Variants in ZNF664 observed in about 807,000 individuals in gnomAD.
The protein encoded by ZNF664 is zinc finger Organ of Corti 1.
A neutral mutation model predicts 18.2 loss-of-function variants in ZNF664; 10 were observed. That is an observed-to-expected ratio of 0.55 (90% CI 0.34 to 0.93). ZNF664 has a LOEUF of 0.93. Ranked by LOEUF, ZNF664 falls within the 40% of genes least tolerant of loss-of-function variation. The pLI is 0.02. For missense variants in ZNF664, 193 were observed against 319.0 expected (o/e 0.61, Z 3.01); for synonymous variants, 119 against 104.2 (o/e 1.14, Z -0.86).
chr12:123,986,029 T>C (rs1291821782), intron 2 of ZNF664, among the ~76,000 whole-genome samples: 1 of 152,114 alleles, frequency 6.6e-6, no homozygotes, highest in East Asian at 1.9e-4. Context: ...CTCATGAGCC[T>C]TAGGGACTGT....
intron 3 of ZNF664, among the ~76,000 whole-genome samples, chr12:123,993,578 A>C (rs1375021992): frequency 6.6e-6 from 1 of 152,246 alleles, no homozygotes; most frequent in Non-Finnish European, 1.5e-5. Context: ...GAGGAGGTAG[A>C]TACAACATCT....
intron 2 of ZNF664, among the ~76,000 whole-genome samples, chr12:123,987,709 G>A (rs922319440): frequency 6.6e-6 from 1 of 152,172 alleles, no homozygotes. Flanking sequence ...TAGCCAGTCT[G>A]AGTCAGTTAT....
chr12:123,976,254 G>T (rs1303572298), intron 2 of ZNF664, among the ~76,000 whole-genome samples: 1 of 152,170 alleles, frequency 6.6e-6, no homozygotes, highest in Non-Finnish European at 1.5e-5. Flanking sequence ...CCAAATTTTA[G>T]AGTGGAGAGA....
rs1375964660 is a variant in ZNF664, at chr12:123,973,873, G to A, written c.-891-13G>A. On this transcript the variant is annotated splice_polypyrimidine_tract_variant and intron_variant, in intron 1 of 4. Coordinates refer to ENST00000337815, the MANE Select transcript of ZNF664 (RefSeq NM_152437.3). ...GGAGGAGCCGGCTGCATGGGGTGCT[G>A]TGTGTTTTTCAGGGCGCCCTGCGTC... 4 of 1,044,262 alleles carry A rather than the reference G, an allele frequency of 3.8e-6. No homozygotes were observed. In the Admixed American group the frequency reaches 1.9e-4, roughly 49 times the overall value. The allele number at this position is 1,044,262 out of a possible 1,614,324, so 64.7% of individuals were successfully genotyped here.
intron 3 of ZNF664, among the ~76,000 whole-genome samples, chr12:123,999,200 T>G (rs1267398306): frequency 6.6e-6 from 1 of 152,126 alleles, no homozygotes; most frequent in Non-Finnish European, 1.5e-5. Context: ...CTCATTGCAG[T>G]TGGTAGTGGT....
chr12:123,974,127 C>T, intron 2 of ZNF664, 107 bp downstream of exon 2: 1 of 811,450 alleles, frequency 1.2e-6, no homozygotes, highest in Non-Finnish European at 1.7e-6. Context: ...CCCGGCTTCT[C>T]ATGAACTCCG....
At position 123,973,698 on chromosome 12, in the gene ZNF664, C is replaced by G. The variant is rs550000390; in HGVS notation, c.-891-188C>G. 17 of 1,063,886 alleles carry G rather than the reference C, an allele frequency of 1.6e-5. No homozygotes were observed. The African/African-American group carries it at 2.0e-4, about 12-fold the overall frequency. 65.9% of individuals were successfully genotyped at this position (1,063,886 alleles called of 1,614,324 possible). A position where few individuals can be genotyped will look rare whatever the true frequency, so the allele number is the denominator to read the frequency against. On this transcript the variant is annotated intron_variant, in intron 1 of 4. Coordinates refer to ENST00000337815, the MANE Select transcript of ZNF664 (RefSeq NM_152437.3). ...GCGAGGCCCCTCGGGAGCCGGACTC[C>G]CGAGCCAGGCTCCATTGTTGTTGGA... is the stretch of plus-strand genomic sequence containing the variant.
At chr12:123,976,437 A>C (rs1956692409) in intron 2 of ZNF664, among the ~76,000 whole-genome samples, 1 of 152,228 alleles carries the variant, frequency 6.6e-6, no homozygotes, top group Admixed American at 6.5e-5. Flanking sequence ...TGAAAGAATG[A>C]ATGTGGATAG....
chr12:123,976,912 C>T (rs1956699585), intron 2 of ZNF664, among the ~76,000 whole-genome samples: 2 of 152,080 alleles, frequency 1.3e-5, no homozygotes, highest in South Asian at 4.1e-4. Context: ...AACCCTGTCT[C>T]TACTAAAAAT....
At chr12:123,982,068 G>C (rs1305228076) in intron 2 of ZNF664, among the ~76,000 whole-genome samples, 1 of 152,160 alleles carries the variant, frequency 6.6e-6, no homozygotes, top group Admixed American at 6.5e-5. Flanking sequence ...CCTTTTGTCA[G>C]TCATCCTGTT....
At chr12:123,980,124 T>A (rs1956745986) in intron 2 of ZNF664, among the ~76,000 whole-genome samples, 1 of 152,210 alleles carries the variant, frequency 6.6e-6, no homozygotes, top group Non-Finnish European at 1.5e-5. Flanking sequence ...AGGGTGAGTG[T>A]GTGTATATAT....
chr12:123,999,948 G>T (rs1012698820), intron 3 of ZNF664, among the ~76,000 whole-genome samples: 1 of 152,258 alleles, frequency 6.6e-6, no homozygotes, highest in Non-Finnish European at 1.5e-5. Context: ...CCAGCTGAGG[G>T]TATCACTGTG....
At chr12:123,994,162 T>C (rs1956920219) in intron 3 of ZNF664, among the ~76,000 whole-genome samples, 1 of 144,316 alleles carries the variant, frequency 6.9e-6, no homozygotes, top group East Asian at 1.9e-4. Flanking sequence ...TGGAAATTAC[T>C]CACTACACAT....
intron 3 of ZNF664, among the ~76,000 whole-genome samples, chr12:123,990,960 C>T (rs573476078): frequency 9.3e-4 from 142 of 152,314 alleles, no homozygotes; most frequent in Non-Finnish European, 1.5e-3. Flanking sequence ...GTGAGCATCT[C>T]CATGACTCAC....
At chr12:123,980,697 G>A (rs914638757) in intron 2 of ZNF664, among the ~76,000 whole-genome samples, 5 of 151,988 alleles carry the variant, frequency 3.3e-5, no homozygotes, top group Non-Finnish European at 7.4e-5. Context: ...TGATGAAAAC[G>A]CCCCAAAAAA....
At chr12:124,004,686 C>T (rs1409780224) in intron 3 of ZNF664, among the ~76,000 whole-genome samples, 2 of 152,162 alleles carry the variant, frequency 1.3e-5, no homozygotes, top group African/African-American at 4.8e-5. Context: ...AGTGAAGCTT[C>T]ATCTATTTAT....
chr12:123,973,219 T>G lies in ZNF664; in HGVS notation c.-1025T>G. On this transcript the variant is annotated 5_prime_UTR_variant, in exon 1 of 5. Transcript: ENST00000337815. ...CGGCCTCGTGCGTGCGCACGCGCGCTGTCCCCCGGAGGCGTCTGGGTGTGC... is the reference window on the plus strand; with the variant it reads ...CGGCCTCGTGCGTGCGCACGCGCGCGGTCCCCCGGAGGCGTCTGGGTGTGC... The G allele has an allele frequency of 1.0e-6, 1 of 983,714 alleles. No individual in the cohort carries two copies. Among genetic ancestry groups the G allele is most frequent in the Non-Finnish European group, 1.2e-6 (1 of 831,694 alleles). 60.9% of individuals were successfully genotyped at this position (983,714 alleles called of 1,614,324 possible). A position where few individuals can be genotyped will look rare whatever the true frequency, so the allele number is the denominator to read the frequency against.
At chr12:124,006,981 T>C (rs1350350912) in intron 3 of ZNF664, among the ~76,000 whole-genome samples, 1 of 152,190 alleles carries the variant, frequency 6.6e-6, no homozygotes, top group Non-Finnish European at 1.5e-5. Flanking sequence ...TTCCATAACC[T>C]GTATCTGCCT....
intron 2 of ZNF664, among the ~76,000 whole-genome samples, chr12:123,984,273 G>C (rs1363138839): frequency 6.6e-6 from 1 of 152,162 alleles, no homozygotes; most frequent in East Asian, 1.9e-4. Flanking sequence ...TAGGGTCACA[G>C]AAGGAGCCAA....
Sources: gnomAD v4.1 joint callset for allele counts (sites outside exome capture counted in the v4.1 genomes callset) on GRCh38, gnomAD v4.1.1 for gene constraint, MANE v1.5 for transcripts, NCBI Gene and HGNC (gene_info 2026-07-23, HGNC 2026-07-21) for gene names.